Variants in APP observed in about 807,000 individuals in gnomAD.
The protein encoded by APP is amyloid beta precursor protein, also known as amyloid-beta precursor protein.
In APP, 31 loss-of-function variants were observed where a neutral mutation model predicts 101.4. That is an observed-to-expected ratio of 0.31 (90% CI 0.23 to 0.41). The LOEUF (loss-of-function observed/expected upper bound fraction) is 0.41. Among genes scored for constraint, APP ranks in the 10% least tolerant of loss-of-function variants. The pLI, the probability that APP is intolerant of heterozygous loss-of-function variation, is 1.00. For synonymous variants in APP, 366 were observed against 364.4 expected, an observed-to-expected ratio of 1.00 and a Z score of -0.05; for missense variants, 839 against 1,003.7, an observed-to-expected ratio of 0.84 and a Z score of 2.22.
At chr21:26,035,616 T>C (rs563934361) in intron 5 of APP, among the ~76,000 whole-genome samples, 2 of 152,324 alleles carry the variant, frequency 1.3e-5, no homozygotes, top group African/African-American at 4.8e-5. Context: ...TGCACTTGGT[T>C]TTTAAGCGTA....
rs551244669 is a variant in APP at position 26,001,377 on chromosome 21, C to T, written c.866-1195G>A. Among the ~76,000 whole-genome samples the T allele has an allele frequency of 3.3e-5, 5 of 152,310 alleles. No individual in the cohort carries two copies. The South Asian group carries it at 6.2e-4, about 19-fold the overall frequency. On this transcript the variant is annotated intron_variant, in intron 6 of 17. Transcript: ENST00000346798. ...GCCCAATTCTCTCTCTGGGTTTGTG[C>T]CCTGCCCTTGCTAGACTGACGCCTT...
At chr21:26,099,300 A>C (rs1452392024) in intron 2 of APP, among the ~76,000 whole-genome samples, 5 of 152,196 alleles carry the variant, frequency 3.3e-5, no homozygotes, top group Non-Finnish European at 5.9e-5. Context: ...GTATATTTTC[A>C]TCGTCTCAAA....
intron 1 of APP, among the ~76,000 whole-genome samples, chr21:26,121,745 T>A (rs972749236): frequency 5.3e-5 from 8 of 152,310 alleles, no homozygotes; most frequent in Admixed American, 1.3e-4. Flanking sequence ...AGCACTACAG[T>A]GAGTTTTCTA....
At chr21:26,057,021 T>G (rs1380611556) in intron 3 of APP, among the ~76,000 whole-genome samples, 2 of 152,246 alleles carry the variant, frequency 1.3e-5, no homozygotes, top group Non-Finnish European at 2.9e-5. Flanking sequence ...TTTCTCTTTT[T>G]AATTAAAAAA....
intron 8 of APP, among the ~76,000 whole-genome samples, chr21:25,986,350 A>C (rs963701453): frequency 2.0e-5 from 3 of 152,148 alleles, no homozygotes; most frequent in African/African-American, 7.2e-5. Context: ...TGCATTTTAA[A>C]CTACCATAAA....
chr21:25,960,664 G>T (rs879742316), intron 11 of APP, among the ~76,000 whole-genome samples: 4 of 152,136 alleles, frequency 2.6e-5, no homozygotes, highest in Non-Finnish European at 4.4e-5. Context: ...GCTCCTCCAG[G>T]GATAATGAGA....
intron 11 of APP, among the ~76,000 whole-genome samples, chr21:25,974,078 T>C (rs1255645444): frequency 1.3e-5 from 2 of 152,104 alleles, no homozygotes; most frequent in Non-Finnish European, 2.9e-5. Context: ...CAACATGCCT[T>C]TTTGGGGCAA....
At chr21:26,033,914 T>G (rs1241538748) in intron 5 of APP, among the ~76,000 whole-genome samples, 1 of 152,124 alleles carries the variant, frequency 6.6e-6, no homozygotes, top group Non-Finnish European at 1.5e-5. Flanking sequence ...AATTAAGAAA[T>G]GGAGCTAATG....
At chr21:25,893,651 GT>G (rs2037839739) in intron 16 of APP, among the ~76,000 whole-genome samples, 1 of 152,168 alleles carries the variant, frequency 6.6e-6, no homozygotes, top group Non-Finnish European at 1.5e-5. Context: ...GATGAGAGAG[GT>G]GAAGAAGCTG....
intron 15 of APP, among the ~76,000 whole-genome samples, chr21:25,898,626 C>G (rs866865303): frequency 6.6e-6 from 1 of 152,156 alleles, no homozygotes; most frequent in African/African-American, 2.4e-5. Flanking sequence ...GATAGATTTG[C>G]CTGCCCAAAC....
intron 13 of APP, among the ~76,000 whole-genome samples, chr21:25,918,317 G>A (rs539764611): frequency 8.5e-5 from 13 of 152,334 alleles, no homozygotes; most frequent in African/African-American, 3.1e-4. Flanking sequence ...AGAAAATGTG[G>A]CACATATACA....
At chr21:25,929,488 G>A (rs1052121580) in intron 13 of APP, among the ~76,000 whole-genome samples, 6 of 151,902 alleles carry the variant, frequency 3.9e-5, no homozygotes, top group South Asian at 4.2e-4. Context: ...TAAATTTTTC[G>A]AAGTTATTGA....
At chr21:26,112,861 G>A (rs2062359409) in intron 1 of APP, among the ~76,000 whole-genome samples, 1 of 152,054 alleles carries the variant, frequency 6.6e-6, no homozygotes, top group Non-Finnish European at 1.5e-5. Context: ...GTGCCTGCTG[G>A]GTAGTAAGTA....
intron 5 of APP, among the ~76,000 whole-genome samples, chr21:26,028,045 A>T: frequency 6.6e-6 from 1 of 151,868 alleles, no homozygotes; most frequent in East Asian, 1.9e-4. Flanking sequence ...AAATACAAAA[A>T]ATTAGCTGGA....
chr21:26,013,337 A>C (rs955490621), intron 6 of APP, among the ~76,000 whole-genome samples: 6 of 152,110 alleles, frequency 3.9e-5, no homozygotes, highest in African/African-American at 1.4e-4. Flanking sequence ...CAAAACAAAA[A>C]AAGTGTGCCC....
At chr21:26,065,101 GC>G (rs2046407707) in intron 3 of APP, among the ~76,000 whole-genome samples, 1 of 152,252 alleles carries the variant, frequency 6.6e-6, no homozygotes, top group African/African-American at 2.4e-5. Flanking sequence ...TGATCCACCT[GC>G]CTCGGCCTCC....
intron 11 of APP, among the ~76,000 whole-genome samples, chr21:25,973,131 T>C (rs2042094963): frequency 7.0e-6 from 1 of 143,648 alleles, no homozygotes; most frequent in African/African-American, 2.6e-5. Context: ...ACAAAAGAGA[T>C]AAAATAGAAT....
intron 6 of APP, among the ~76,000 whole-genome samples, chr21:26,020,525 TGTTAAGCTCTAATAGA>T (rs1374939625): frequency 6.6e-6 from 1 of 152,206 alleles, no homozygotes; most frequent in Non-Finnish European, 1.5e-5. Flanking sequence ...AAATAGCCCA[TGTTAAGCTCTAATAGA>T]ACAATAAATC....
chr21:25,950,596 G>C (rs1158920748), intron 13 of APP, among the ~76,000 whole-genome samples: 1 of 152,040 alleles, frequency 6.6e-6, no homozygotes, highest in African/African-American at 2.4e-5. Flanking sequence ...TGGCCACGCT[G>C]GTCTTGAACT....
Sources: gnomAD v4.1 joint callset for allele counts (sites outside exome capture counted in the v4.1 genomes callset) on GRCh38, gnomAD v4.1.1 for gene constraint, MANE v1.5 for transcripts, NCBI Gene and HGNC (gene_info 2026-07-23, HGNC 2026-07-21) for gene names.